The following CREB5 variants were observed in gnomAD, a reference collection of about 807,000 sequenced individuals.
CREB5 encodes the protein cyclic AMP-responsive element-binding protein 5.
A neutral mutation model predicts 57.1 loss-of-function variants in CREB5; 19 were observed. The observed-to-expected ratio is 0.33, with a 90% CI of 0.23 to 0.49. The LOEUF (loss-of-function observed/expected upper bound fraction) is 0.49. Among genes scored for constraint, CREB5 ranks in the 20% least tolerant of loss-of-function variants. The probability of loss-of-function intolerance (pLI) is 0.99; values close to 1 mark genes in which losing one functional copy is unlikely to be tolerated. For missense variants in CREB5, 579 were observed against 671.6 expected (o/e 0.86, Z 1.52); for synonymous variants, 238 against 238.3 (o/e 1.00, Z 0.01).
chr7:28,424,479 A>G (rs1258847018), intron 1 of CREB5, among the ~76,000 whole-genome samples: 1 of 152,238 alleles, frequency 6.6e-6, no homozygotes, highest in Non-Finnish European at 1.5e-5. Context: ...ATGGGGATCC[A>G]TATGTTAATT....
rs1471316522 is a variant in CREB5 at position 28,742,571 on chromosome 7, AAAAG to A, written c.702+18243_702+18246del. Among the ~76,000 whole-genome samples, 8 of 152,088 alleles carry A rather than the reference AAAAG, an allele frequency of 5.3e-5. No homozygotes were observed. In the South Asian group the frequency reaches 8.3e-4, roughly 16 times the overall value. ...ACAGAGCAAGACTCCGTCTCAAAAA[AAAAG>A]AAAAGAAAAGGAAAGAAAAGAAAAT... On this transcript the variant is annotated intron_variant, in intron 7 of 10. Coordinates refer to ENST00000357727, the MANE Select transcript of CREB5 (RefSeq NM_182898.4).
chr7:28,513,839 G>A (rs1792819176), intron 4 of CREB5: 1 of 152,186 alleles, frequency 6.6e-6, no homozygotes, highest in Admixed American at 6.5e-5. Context: ...GTGAATGAAT[G>A]TGATCTCAGG....
intron 1 of CREB5, among the ~76,000 whole-genome samples, chr7:28,357,020 C>G (rs530815954): frequency 3.9e-4 from 59 of 152,228 alleles, no homozygotes; most frequent in African/African-American, 1.3e-3. Context: ...AGTAATAAGA[C>G]AAAAATGCCA....
At chr7:28,761,358 T>G (rs1805637282) in intron 7 of CREB5, among the ~76,000 whole-genome samples, 1 of 152,074 alleles carries the variant, frequency 6.6e-6, no homozygotes, top group African/African-American at 2.4e-5. Flanking sequence ...AAATTGCGGG[T>G]GTCGGAGTGA....
At chr7:28,664,718 T>G (rs1180964108) in intron 5 of CREB5, among the ~76,000 whole-genome samples, 1 of 152,200 alleles carries the variant, frequency 6.6e-6, no homozygotes, top group Non-Finnish European at 1.5e-5. Flanking sequence ...CCAAGATTCA[T>G]AAAAGATTAG....
chr7:28,714,781 G>A lies in CREB5; in HGVS notation c.465-3972G>A, dbSNP rs1583599447. On this transcript the variant is annotated intron_variant, in intron 5 of 10. Transcript: ENST00000357727. ...GTCAAGTTGGAAAACTCTTAATGCT[G>A]CAGGACTCAGTTTAGTAATTGAACA... Among the ~76,000 whole-genome samples, 9 of 152,316 alleles carry A rather than the reference G, an allele frequency of 5.9e-5. No individual in the cohort carries two copies. The South Asian group carries it at 1.9e-3, about 32-fold the overall frequency.
chr7:28,814,924 G>A (rs910316759), intron 9 of CREB5, among the ~76,000 whole-genome samples: 1 of 152,144 alleles, frequency 6.6e-6, no homozygotes, highest in Non-Finnish European at 1.5e-5. Context: ...ACATTAATTG[G>A]TGTTCATTTT....
intron 1 of CREB5, among the ~76,000 whole-genome samples, chr7:28,359,209 C>T (rs1019885083): frequency 2.3e-5 from 3 of 128,444 alleles, no homozygotes; most frequent in Non-Finnish European, 1.7e-5. Flanking sequence ...AAAGCGAATA[C>T]ACACACAAAA....
rs544042593 is a variant in CREB5 at position 28,718,947 on chromosome 7, A to C, written c.591+68A>C. 2.5e-6 allele frequency: 4 copies of C among 1,604,468 alleles called. No individual in the cohort carries two copies. The Admixed American group carries it at 6.7e-5, about 27-fold the overall frequency. ...TGAGGTTTGCCACTCTTGAAAGGGCAAAGGAAACTCTGAGATCCAAGCTGA... is the reference window on the plus strand; with the variant it reads ...TGAGGTTTGCCACTCTTGAAAGGGCCAAGGAAACTCTGAGATCCAAGCTGA... On this transcript the variant is annotated intron_variant, in intron 6 of 10. Coordinates refer to ENST00000357727, the MANE Select transcript of CREB5 (RefSeq NM_182898.4).
chr7:28,574,083 C>T (rs1795811256), intron 5 of CREB5, among the ~76,000 whole-genome samples: 1 of 152,196 alleles, frequency 6.6e-6, no homozygotes, highest in Admixed American at 6.5e-5. Context: ...ACTACTTGTG[C>T]TTAGTCAAAC....
intron 5 of CREB5, among the ~76,000 whole-genome samples, chr7:28,668,999 G>A (rs1799933114): frequency 6.6e-6 from 1 of 152,180 alleles, no homozygotes; most frequent in Non-Finnish European, 1.5e-5. Context: ...ACACGAGAAA[G>A]GCACCAATAC....
chr7:28,586,815 G>A (rs1298637700), intron 5 of CREB5, among the ~76,000 whole-genome samples: 1 of 152,216 alleles, frequency 6.6e-6, no homozygotes, highest in African/African-American at 2.4e-5. Context: ...AGAATGGGAC[G>A]TCCCAGCGTG....
intron 1 of CREB5, among the ~76,000 whole-genome samples, chr7:28,417,121 G>A (rs996707896): frequency 6.6e-6 from 1 of 152,148 alleles, no homozygotes; most frequent in African/African-American, 2.4e-5. Context: ...TTCTTCATTT[G>A]TGATGAGAAT....
At chr7:28,454,023 G>A (rs987900811) in intron 1 of CREB5, among the ~76,000 whole-genome samples, 10 of 150,606 alleles carry the variant, frequency 6.6e-5, no homozygotes, top group East Asian at 4.0e-4. Context: ...GCATGATCTC[G>A]GCTCACTGTA....
intron 4 of CREB5, among the ~76,000 whole-genome samples, chr7:28,517,588 G>A (rs1259442585): frequency 6.6e-6 from 1 of 152,196 alleles, no homozygotes. Flanking sequence ...TGGTACCTAT[G>A]TTCATGTACT....
At chr7:28,643,058 T>C (rs1798743206) in intron 5 of CREB5, among the ~76,000 whole-genome samples, 1 of 148,400 alleles carries the variant, frequency 6.7e-6, no homozygotes, top group African/African-American at 2.5e-5. Flanking sequence ...GCCCCAAACT[T>C]CTAAAGACCC....
intron 5 of CREB5, among the ~76,000 whole-genome samples, chr7:28,596,857 G>A (rs1229568100): frequency 6.6e-6 from 1 of 152,132 alleles, no homozygotes; most frequent in Non-Finnish European, 1.5e-5. Flanking sequence ...ATTATTATTA[G>A]CACATAATAG....
chr7:28,619,238 G>T (rs534757476), intron 5 of CREB5, among the ~76,000 whole-genome samples: 1 of 152,184 alleles, frequency 6.6e-6, no homozygotes, highest in Non-Finnish European at 1.5e-5. Flanking sequence ...CAGTAGAGGT[G>T]GGGTTTGAAC....
intron 1 of CREB5, among the ~76,000 whole-genome samples, chr7:28,429,025 TA>T (rs956425710): frequency 1.3e-5 from 2 of 152,042 alleles, no homozygotes; most frequent in East Asian, 1.9e-4. Context: ...TAGTTTAATT[TA>T]AAAAAAAGTT....
Sources: allele counts gnomAD v4.1 joint callset (sites outside exome capture counted in the v4.1 genomes callset), GRCh38; gene constraint gnomAD v4.1.1; transcripts MANE v1.5; gene names NCBI Gene and HGNC (gene_info 2026-07-23, HGNC 2026-07-21).